INSIG1: variants seen among roughly 807,000 people sequenced by gnomAD.
INSIG1 encodes the protein insulin induced gene 1, also known as insulin-induced gene 1 protein.
A neutral mutation model predicts 26.5 loss-of-function variants in INSIG1; 14 were observed. The observed-to-expected ratio is 0.53, with a 90% confidence interval of 0.35 to 0.83. The LOEUF (loss-of-function observed/expected upper bound fraction) is 0.83, where lower values mean the gene tolerates loss of function less well. Ranked by LOEUF, INSIG1 falls within the 40% of genes least tolerant of loss-of-function variation. INSIG1 has a pLI of 0.01. For missense variants in INSIG1, 272 were observed against 368.9 expected (o/e 0.74, Z 2.15); for synonymous variants, 147 against 153.3 (o/e 0.96, Z 0.30).
At chr7:155,306,425 G>A (rs1313459999) in intron 5 of INSIG1, among the ~76,000 whole-genome samples, 1 of 152,258 alleles carries the variant, frequency 6.6e-6, no homozygotes, top group African/African-American at 2.4e-5. Context: ...AATCAAGCCT[G>A]TCCTGCTGCC....
At position 155,309,208 on chromosome 7, in the gene INSIG1, G is replaced by C. The variant is rs188466136; in HGVS notation, c.*938G>C. ...CTGCATTAAACGTGTGGTGTTTCTA[G>C]TCAATGATATTGGTGAGCACAATGT... is the stretch of plus-strand genomic sequence containing the variant. On this transcript the variant is annotated 3_prime_UTR_variant, in exon 6 of 6. Transcript: ENST00000340368. 1 of 152,712 alleles carries C rather than the reference G, an allele frequency of 6.5e-6. No homozygotes were observed. The highest frequency in any genetic ancestry group is 1.5e-5 in the Non-Finnish European group (1 of 68,032). The allele number at this position is 152,712 out of a possible 1,614,324, so 9.5% of individuals were successfully genotyped here.
Position 155,309,302 on chromosome 7 carries a change from T to C in INSIG1, c.*1032T>C, listed in dbSNP as rs1214243449. On this transcript the variant is annotated 3_prime_UTR_variant, in exon 6 of 6. Coordinates refer to ENST00000340368, the MANE Select transcript of INSIG1 (RefSeq NM_005542.6). Reference sequence around the variant, plus strand: ...ATTGGGTCTTAAACTTCAAGTGCAATGTATATGAAAACCAATCTGAGCCTT... The same window carrying C: ...ATTGGGTCTTAAACTTCAAGTGCAACGTATATGAAAACCAATCTGAGCCTT... The C allele has an allele frequency of 6.6e-6, 1 of 152,656 alleles. No homozygotes were observed. Among genetic ancestry groups the C allele is most frequent in the Non-Finnish European group, 1.5e-5 (1 of 68,042 alleles). The allele number at this position is 152,656 out of a possible 1,614,324, so 9.5% of individuals were successfully genotyped here.
At chr7:155,305,619 G>T (rs1032572892) in intron 5 of INSIG1, among the ~76,000 whole-genome samples, 6 of 152,228 alleles carry the variant, frequency 3.9e-5, no homozygotes, top group African/African-American at 1.4e-4. Context: ...GTTGTTGACA[G>T]TCTGAAGGTG....
chr7:155,302,477 C>A lies in INSIG1; in HGVS notation c.704+60C>A, dbSNP rs1797816601. Reference sequence around the variant, plus strand: ...GCTTACTTAACTTTCATTAAAACATCCACTAAGCTTAGATATTTTCATATT... The same window carrying A: ...GCTTACTTAACTTTCATTAAAACATACACTAAGCTTAGATATTTTCATATT... On this transcript the variant is annotated intron_variant, in intron 4 of 5. Coordinates refer to ENST00000340368, the MANE Select transcript of INSIG1 (RefSeq NM_005542.6). The surrounding 1 kb of genome is among the most constrained non-coding windows in gnomAD (Gnocchi z 4.3). 1 of 1,400,146 alleles carries A rather than the reference C, an allele frequency of 7.1e-7. No individual in the cohort carries two copies. The highest frequency in any genetic ancestry group is 1.4e-5 in the African/African-American group (1 of 68,970). 86.7% of individuals were successfully genotyped at this position (1,400,146 alleles called of 1,614,324 possible).
chr7:155,310,133 C>G lies in INSIG1; in HGVS notation c.*1863C>G, dbSNP rs1239233517. ...AAATAGTATGAACAAAATTTGCACT[C>G]TACCAGATTTGAACATCTAGTGAGG... is the stretch of plus-strand genomic sequence containing the variant. On this transcript the variant is annotated 3_prime_UTR_variant, in exon 6 of 6. Transcript: ENST00000340368. 2 of 152,626 alleles carry G rather than the reference C, an allele frequency of 1.3e-5. No individual in the cohort carries two copies. Among genetic ancestry groups the G allele is most frequent in the African/African-American group, 4.8e-5 (2 of 41,442 alleles). 9.5% of individuals were successfully genotyped at this position (152,626 alleles called of 1,614,324 possible). A position where few individuals can be genotyped will look rare whatever the true frequency, so the allele number is the denominator to read the frequency against.
chr7:155,305,157 A>C (rs182984838), intron 5 of INSIG1, among the ~76,000 whole-genome samples: 3,091 of 151,666 alleles, frequency 0.02, 41 homozygotes, highest in Non-Finnish European at 0.03. Context: ...AAAAAAAAAA[A>C]AAAAACTGGA....
At position 155,309,277 on chromosome 7, in the gene INSIG1, A is replaced by G. The variant is rs1434529448; in HGVS notation, c.*1007A>G. The G allele has an allele frequency of 1.3e-5, 2 of 152,594 alleles. No homozygotes were observed. The highest frequency in any genetic ancestry group is 2.9e-5 in the Non-Finnish European group (2 of 68,030). 9.5% of individuals were successfully genotyped at this position (152,594 alleles called of 1,614,324 possible). A position where few individuals can be genotyped will look rare whatever the true frequency, so the allele number is the denominator to read the frequency against. On this transcript the variant is annotated 3_prime_UTR_variant, in exon 6 of 6. Transcript: ENST00000340368. ...ACCATACCAGACCTAATTTGCAAGT[A>G]TTGGGTCTTAAACTTCAAGTGCAAT...
intron 5 of INSIG1, among the ~76,000 whole-genome samples, chr7:155,303,331 G>A (rs1051860484): frequency 3.3e-5 from 5 of 152,244 alleles, no homozygotes; most frequent in African/African-American, 1.2e-4. Flanking sequence ...AGGCTGCAGA[G>A]TCTGTCTCGG....
chr7:155,303,503 G>C (rs1797850162), intron 5 of INSIG1, among the ~76,000 whole-genome samples: 1 of 152,210 alleles, frequency 6.6e-6, no homozygotes, highest in Non-Finnish European at 1.5e-5. Flanking sequence ...CCTGAACATT[G>C]CATCTGTTCT....
chr7:155,298,538 T>A lies in INSIG1; in HGVS notation c.253T>A (p.Leu85Met), dbSNP rs373597330. 1 of 1,603,836 alleles carries A rather than the reference T, an allele frequency of 6.2e-7. No homozygotes were observed. The highest frequency in any genetic ancestry group is 8.5e-7 in the Non-Finnish European group (1 of 1,175,336). The change falls in exon 2 of 6, where the codon TTG becomes ATG. Residue 85 changes from leucine to methionine, a missense_variant. Around this residue, in one of 2 missense-constraint regions of INSIG1, gnomAD observed 161 missense variants for 179.2 expected, o/e 0.90. Coordinates refer to ENST00000340368, the MANE Select transcript of INSIG1 (RefSeq NM_005542.6). ...CCCCAACACCTGGCATCATCGCCTGTTGCAGAGGAGCCTCGTGCTCTTCTC... is the reference window on the plus strand; with the variant it reads ...CCCCAACACCTGGCATCATCGCCTGATGCAGAGGAGCCTCGTGCTCTTCTC... ...PYPNTWHHRL[L>M]QRSLVLFSVG... is the part of the protein sequence containing the mutation.
rs1452519507 is a variant in INSIG1, at chr7:155,309,289, A to T, written c.*1019A>T. 1.3e-5 allele frequency: 2 copies of T among 151,342 alleles called. No homozygotes were observed. The highest frequency in any genetic ancestry group is 1.3e-4 in the Admixed American group (2 of 15,274). The allele number at this position is 151,342 out of a possible 1,614,324, so 9.4% of individuals were successfully genotyped here. ...CTAATTTGCAAGTATTGGGTCTTAA[A>T]CTTCAAGTGCAATGTATATGAAAAC... is the stretch of plus-strand genomic sequence containing the variant. On this transcript the variant is annotated 3_prime_UTR_variant, in exon 6 of 6. Transcript: ENST00000340368.
chr7:155,303,263 T>C (rs1331898593), intron 5 of INSIG1, among the ~76,000 whole-genome samples: 1 of 152,204 alleles, frequency 6.6e-6, no homozygotes, highest in Non-Finnish European at 1.5e-5. Context: ...TTTCACAAAA[T>C]CAGAGTGGAT....
At position 155,305,063 on chromosome 7, in the gene INSIG1, G is replaced by A. The variant is rs551380271; in HGVS notation, c.804+2217G>A. ...TGGGATGCTGAGGCAGGAGAATGGC[G>A]TGAACCCGGGAGGCAGAGCTTGCAA... On this transcript the variant is annotated intron_variant, in intron 5 of 5. Coordinates refer to ENST00000340368, the MANE Select transcript of INSIG1 (RefSeq NM_005542.6). Among the ~76,000 whole-genome samples, 99 of 150,836 alleles carry A rather than the reference G, an allele frequency of 6.6e-4. No homozygotes were observed. In the Middle Eastern group the frequency reaches 0.017, roughly 26 times the overall value.
intron 5 of INSIG1, chr7:155,303,059 G>GA: frequency 2.3e-6 from 1 of 439,930 alleles, no homozygotes; most frequent in South Asian, 2.9e-5. Context: ...TCTAGAAAAG[G>GA]AACTAGAGCC....
chr7:155,303,753 G>T, intron 5 of INSIG1: 1 of 757,084 alleles, frequency 1.3e-6, no homozygotes, highest in Non-Finnish European at 1.9e-6. Flanking sequence ...TGTTGCTCTC[G>T]GAGATAAGCT....
At chr7:155,306,357 T>G (rs1014479269) in intron 5 of INSIG1, among the ~76,000 whole-genome samples, 1 of 152,256 alleles carries the variant, frequency 6.6e-6, no homozygotes. Flanking sequence ...AACTTGTAGT[T>G]GTTGCTGTTT....
chr7:155,301,419 G>A (rs1797781786), intron 2 of INSIG1, 147 bp from the exon 3 acceptor site: 1 of 712,260 alleles, frequency 1.4e-6, no homozygotes, highest in Non-Finnish European at 2.1e-6. Context: ...AAGAGAACAA[G>A]AATATAAAAT....
rs1798043964 is a variant in INSIG1, at chr7:155,310,057, T to C, written c.*1787T>C. 1 of 152,638 alleles carries C rather than the reference T, an allele frequency of 6.6e-6. No individual in the cohort carries two copies. The highest frequency in any genetic ancestry group is 2.4e-5 in the African/African-American group (1 of 41,454). The allele number at this position is 152,638 out of a possible 1,614,324, so 9.5% of individuals were successfully genotyped here. A position where few individuals can be genotyped will look rare whatever the true frequency, so the allele number is the denominator to read the frequency against. The stretch of plus-strand genomic sequence containing the variant: ...GTAAATTTGAGGATTTTTTTGCCAA[T>C]AGTTTATAGAAAATATATGAACCAA... On this transcript the variant is annotated 3_prime_UTR_variant, in exon 6 of 6. Coordinates refer to ENST00000340368, the MANE Select transcript of INSIG1 (RefSeq NM_005542.6).
Position 155,302,595 on chromosome 7 carries a change from A to T in INSIG1, c.705-152A>T. The stretch of plus-strand genomic sequence containing the variant: ...ACTTAATGTAACGCAAAGGAAAACC[A>T]AGTAGTAGCAGTTACAACCAAACAA... On this transcript the variant is annotated intron_variant, in intron 4 of 5. Transcript: ENST00000340368. The surrounding 1 kb of genome is among the most constrained non-coding windows in gnomAD (Gnocchi z 4.3). 1.1e-6 allele frequency: 1 copy of T among 906,926 alleles called. No homozygotes were observed. Among genetic ancestry groups the T allele is most frequent in the African/African-American group, 1.7e-5 (1 of 59,970 alleles). The allele number at this position is 906,926 out of a possible 1,614,324, so 56.2% of individuals were successfully genotyped here. A position where few individuals can be genotyped will look rare whatever the true frequency, so the allele number is the denominator to read the frequency against.
Sources: gnomAD v4.1 joint callset for allele counts (sites outside exome capture counted in the v4.1 genomes callset) on GRCh38, gnomAD v4.1.1 for gene constraint, gnomAD v4.1.1 regional missense constraint, Gnocchi (gnomAD v3.1) non-coding constraint, MANE v1.5 for transcripts, NCBI Gene and HGNC (gene_info 2026-07-23, HGNC 2026-07-21) for gene names.